Variants in CNTNAP2 observed in about 807,000 individuals in gnomAD.
The protein encoded by CNTNAP2 is contactin associated protein 2, also known as contactin-associated protein-like 2.
CNTNAP2 carries 98 observed loss-of-function variants against 155.2 expected under a neutral mutation model. That is an observed-to-expected ratio of 0.63 (90% CI 0.54 to 0.75). The LOEUF (loss-of-function observed/expected upper bound fraction) is 0.75. Among genes scored for constraint, CNTNAP2 ranks in the 30% least tolerant of loss-of-function variants. The pLI is 0.00. For synonymous variants in CNTNAP2, 651 were observed against 631.2 expected (o/e 1.03, Z -0.47); for missense variants, 1,727 against 1,688.1 (o/e 1.02, Z -0.40).
intron 1 of CNTNAP2, among the ~76,000 whole-genome samples, chr7:146,724,469 G>C (rs1328699856): frequency 1.3e-5 from 2 of 151,508 alleles, no homozygotes; most frequent in Admixed American, 6.6e-5. Flanking sequence ...AAAAAAGATG[G>C]GTCTTGTTCC....
At chr7:146,778,530 C>T (rs1354013984) in intron 2 of CNTNAP2, among the ~76,000 whole-genome samples, 1 of 152,056 alleles carries the variant, frequency 6.6e-6, no homozygotes, top group Non-Finnish European at 1.5e-5. Flanking sequence ...TGATTTATCC[C>T]CACATTTTTA....
chr7:147,673,008 T>C (rs940598969), intron 13 of CNTNAP2: 1 of 152,148 alleles, frequency 6.6e-6, no homozygotes, highest in African/African-American at 2.4e-5. Flanking sequence ...TACTGGAGCA[T>C]GCTTTTGATT....
At chr7:146,722,013 G>A (rs1474615537) in intron 1 of CNTNAP2, among the ~76,000 whole-genome samples, 1 of 148,852 alleles carries the variant, frequency 6.7e-6, no homozygotes, top group Non-Finnish European at 1.5e-5. Flanking sequence ...CTCAGCCTCT[G>A]AGAAGCTGGG....
intron 1 of CNTNAP2, among the ~76,000 whole-genome samples, chr7:146,317,309 A>C (rs997979085): frequency 5.9e-5 from 9 of 152,230 alleles, no homozygotes; most frequent in African/African-American, 2.2e-4. Flanking sequence ...AGACAGGCTA[A>C]ATCCAGTATA....
At chr7:147,357,757 C>G (rs1033847244) in intron 9 of CNTNAP2, among the ~76,000 whole-genome samples, 1 of 151,990 alleles carries the variant, frequency 6.6e-6, no homozygotes, top group Non-Finnish European at 1.5e-5. Flanking sequence ...AATTTCCTCC[C>G]TCTAAACTTC....
chr7:147,525,729 A>T (rs1051703298), intron 11 of CNTNAP2, among the ~76,000 whole-genome samples: 1 of 152,228 alleles, frequency 6.6e-6, no homozygotes, highest in Admixed American at 6.5e-5. Flanking sequence ...GGGAAAAAAT[A>T]AATTCTCTCG....
intron 11 of CNTNAP2, among the ~76,000 whole-genome samples, chr7:147,530,186 CT>C (rs35151574): frequency 2.0e-3 from 278 of 136,352 alleles, no homozygotes; most frequent in Middle Eastern, 7.8e-3. Flanking sequence ...GCAAAAGGCA[CT>C]TTTTTTTTTT....
intron 16 of CNTNAP2, among the ~76,000 whole-genome samples, chr7:148,127,345 G>A (rs1002471391): frequency 2.6e-5 from 4 of 152,070 alleles, no homozygotes; most frequent in African/African-American, 9.7e-5. Context: ...TTTTTGGAGG[G>A]AAATTTTGAA....
intron 16 of CNTNAP2, among the ~76,000 whole-genome samples, chr7:148,126,782 G>T (rs1022447663): frequency 2.6e-5 from 4 of 152,218 alleles, no homozygotes; most frequent in Non-Finnish European, 1.5e-5. Context: ...ACGCGAAGCC[G>T]TTTGAAGACT....
intron 21 of CNTNAP2, among the ~76,000 whole-genome samples, chr7:148,357,560 G>T (rs766672579): frequency 7.2e-5 from 11 of 152,110 alleles, no homozygotes; most frequent in Non-Finnish European, 1.6e-4. Flanking sequence ...TTGATCCTGT[G>T]CCCCAATCTA....
chr7:148,411,858 T>A, intron 23 of CNTNAP2, among the ~76,000 whole-genome samples: 1 of 151,836 alleles, frequency 6.6e-6, no homozygotes, highest in Non-Finnish European at 1.5e-5. Flanking sequence ...CATATGTGTG[T>A]GTGTGTGTGT....
At chr7:146,506,597 C>T (rs1294604830) in intron 1 of CNTNAP2, among the ~76,000 whole-genome samples, 1 of 152,202 alleles carries the variant, frequency 6.6e-6, no homozygotes, top group African/African-American at 2.4e-5. Flanking sequence ...TTCGATGGCC[C>T]ATTTCCCATA....
intron 1 of CNTNAP2, among the ~76,000 whole-genome samples, chr7:146,442,268 T>G (rs1202986884): frequency 6.6e-6 from 1 of 151,740 alleles, no homozygotes; most frequent in Admixed American, 6.5e-5. Context: ...CCATCTAATT[T>G]TTGTTCCTTG....
intron 10 of CNTNAP2, among the ~76,000 whole-genome samples, chr7:147,445,637 T>C (rs1208307872): frequency 1.3e-5 from 2 of 152,208 alleles, no homozygotes; most frequent in East Asian, 1.9e-4. Flanking sequence ...AACAGGCATA[T>C]GCTGATTTAT....
chr7:148,301,306 A>ATATATATATATATATATAT (rs1554414674), intron 21 of CNTNAP2, among the ~76,000 whole-genome samples: 21 of 103,838 alleles, frequency 2.0e-4, no homozygotes, highest in Middle Eastern at 0.01. Flanking sequence ...AAAAAAAAAA[A>ATATATATATATATATATAT]ATATATATAT....
intron 1 of CNTNAP2, among the ~76,000 whole-genome samples, chr7:146,265,435 T>G (rs1041578724): frequency 6.7e-6 from 1 of 149,536 alleles, no homozygotes; most frequent in Non-Finnish European, 1.5e-5. Flanking sequence ...TTTGAGTAGA[T>G]TTTCTTTTTT....
At chr7:148,395,710 C>T (rs962541581) in intron 22 of CNTNAP2, among the ~76,000 whole-genome samples, 10 of 151,850 alleles carry the variant, frequency 6.6e-5, no homozygotes, top group African/African-American at 1.7e-4. Context: ...TCTGTGTAGA[C>T]GGGCTGCTTT....
rs1800815185 is a variant in CNTNAP2, at chr7:147,595,715, TG to T, written c.1897+33460del. Among the ~76,000 whole-genome samples, 2 of 152,230 alleles carry T rather than the reference TG, an allele frequency of 1.3e-5. 1 individual carries two copies. ...CAGCACTTTACCTGAACGATTGTTG[TG>T]GCACTTTTACCTTTCTACCTTGCCA... On this transcript the variant is annotated intron_variant, in intron 12 of 23. Coordinates refer to ENST00000361727, the MANE Select transcript of CNTNAP2 (RefSeq NM_014141.6).
At chr7:146,535,033 T>C (rs1554445035) in intron 1 of CNTNAP2, among the ~76,000 whole-genome samples, 1 of 106,676 alleles carries the variant, frequency 9.4e-6, no homozygotes, top group Non-Finnish European at 1.9e-5. Context: ...TCTTTTCTAA[T>C]AAAATGTAGT....
Sources: gnomAD v4.1 joint callset for allele counts (sites outside exome capture counted in the v4.1 genomes callset) on GRCh38, gnomAD v4.1.1 for gene constraint, MANE v1.5 for transcripts, NCBI Gene and HGNC (gene_info 2026-07-23, HGNC 2026-07-21) for gene names.